PHRF1: variants seen among roughly 807,000 people sequenced by gnomAD.
PHRF1 encodes the protein PHD and ring finger domains 1.
Under a neutral mutation model 128.9 loss-of-function variants are expected in PHRF1, and 53 were observed. That is an observed-to-expected ratio of 0.41 (90% confidence interval 0.33 to 0.52). The LOEUF (loss-of-function observed/expected upper bound fraction) is 0.52, where lower values mean the gene tolerates loss of function less well. Among genes scored for constraint, PHRF1 ranks in the 20% least tolerant of loss-of-function variants. The pLI, the probability that PHRF1 is intolerant of heterozygous loss-of-function variation, is 0.21. For missense variants in PHRF1, 2,503 were observed against 2,284.5 expected (o/e 1.10, Z -1.95); for synonymous variants, 1,178 against 980.6 (o/e 1.20, Z -3.76).
intron 6 of PHRF1, among the ~76,000 whole-genome samples, chr11:593,185 C>T (rs1057274475): frequency 1.3e-5 from 2 of 152,268 alleles, no homozygotes; most frequent in Non-Finnish European, 2.9e-5. Flanking sequence ...CTTGTCTCCT[C>T]ATCCCTGCTT....
intron 1 of PHRF1, among the ~76,000 whole-genome samples, chr11:580,349 T>C (rs565457101): frequency 6.6e-6 from 1 of 152,354 alleles, no homozygotes; most frequent in East Asian, 1.9e-4. Flanking sequence ...TACGGGATCC[T>C]GTGTGGTTTC....
chr11:598,728 G>A (rs959421654), intron 9 of PHRF1, among the ~76,000 whole-genome samples: 4 of 152,336 alleles, frequency 2.6e-5, no homozygotes, highest in East Asian at 1.9e-4. Flanking sequence ...GGGTGATGCC[G>A]GCCTTCCCGC....
At chr11:584,256 G>T (rs1854390649) in intron 3 of PHRF1, among the ~76,000 whole-genome samples, 1 of 152,198 alleles carries the variant, frequency 6.6e-6, no homozygotes, top group Admixed American at 6.5e-5. Context: ...ACCAGTTCTG[G>T]CGTTGCCAGG....
At chr11:600,493 A>AATAAATAAATAAATATATAT (rs961079986) in intron 9 of PHRF1, among the ~76,000 whole-genome samples, 2 of 129,342 alleles carry the variant, frequency 1.5e-5, no homozygotes, top group African/African-American at 6.3e-5. Context: ...TGTCTCCAAA[A>AATAAATAAATAAATATATAT]ATATATATAT....
At chr11:586,502 G>A (rs1204542207) in intron 3 of PHRF1, among the ~76,000 whole-genome samples, 1 of 152,216 alleles carries the variant, frequency 6.6e-6, no homozygotes, top group African/African-American at 2.4e-5. Context: ...GGAGGGTTTG[G>A]AGGGTTTCGG....
chr11:592,687 T>C lies in PHRF1; in HGVS notation c.620+13T>C, dbSNP rs922043319. On this transcript the variant is annotated intron_variant, in intron 6 of 17. Transcript: ENST00000264555. Reference sequence around the variant, plus strand: ...GCTGCGATGCGGGGTAAGGGACGGTTGGGACTGGCACACGTGCCCTGCTGC... The same window carrying C: ...GCTGCGATGCGGGGTAAGGGACGGTCGGGACTGGCACACGTGCCCTGCTGC... 3.1e-6 allele frequency: 5 copies of C among 1,613,542 alleles called. No individual in the cohort carries two copies. Among genetic ancestry groups the C allele is most frequent in the Admixed American group, 3.3e-5 (2 of 60,012 alleles).
chr11:582,764 T>G (rs1854283274), intron 3 of PHRF1, among the ~76,000 whole-genome samples: 1 of 151,742 alleles, frequency 6.6e-6, no homozygotes, highest in African/African-American at 2.4e-5. Flanking sequence ...GACCTCGTGA[T>G]CCGCCCACCT....
Position 608,783 on chromosome 11 carries a change from G to A in PHRF1, c.3327G>A (p.Lys1109=), listed in dbSNP as rs1856136426. The A allele has an allele frequency of 6.2e-7, 1 of 1,611,924 alleles. No individual in the cohort carries two copies. The highest frequency in any genetic ancestry group is 8.5e-7 in the Non-Finnish European group (1 of 1,179,698). ...ATGAGCACTATGAGAGTAGGAAGAA[G>A]AAGAAAAGGAGATCAGCGTCCAGAC... The part of the protein sequence containing the change: ...SSYEHYESRK[K]KKRRSASRPR... The change falls in exon 14 of 18, where the codon AAG becomes AAA. Residue 1109 remains lysine (K), a synonymous_variant. Coordinates refer to ENST00000264555, the MANE Select transcript of PHRF1 (RefSeq NM_001286581.2).
Position 606,557 on chromosome 11 carries a change from A to G in PHRF1, c.1570A>G (p.Ile524Val), listed in dbSNP as rs1855954294. ...CCTGATGCTGGGCAGCAGTGATGTC[A>G]TCATCCACCGCGACGGCTCCCTCAG... ...SLLMLGSSDV[I>V]IHRDGSLSAK... The change falls in exon 13 of 18, where the codon ATC becomes GTC. Residue 524 changes from isoleucine to valine, a missense_variant. Physicochemically the swap from Ile to Val is conservative, Grantham distance 29. Transcript: ENST00000264555. 3.7e-6 allele frequency: 6 copies of G among 1,609,562 alleles called. No individual in the cohort carries two copies. The highest frequency in any genetic ancestry group is 5.1e-6 in the Non-Finnish European group (6 of 1,178,842).
At chr11:587,586 GC>G in intron 4 of PHRF1, 122 bp downstream of exon 4, 2 of 997,338 alleles carry the variant, frequency 2.0e-6, no homozygotes, top group Non-Finnish European at 3.0e-6. Context: ...TGACCCTGGG[GC>G]CACAGGATTG....
intron 3 of PHRF1, among the ~76,000 whole-genome samples, 165 bp downstream of exon 3, chr11:582,246 AT>A (rs1206064734): frequency 6.8e-6 from 1 of 146,662 alleles, no homozygotes; most frequent in African/African-American, 2.5e-5. Flanking sequence ...GGCTCACTTT[AT>A]TTGTAGTACT....
At chr11:590,080 G>GCGGGGCTCAGC (rs1854872697) in intron 4 of PHRF1, among the ~76,000 whole-genome samples, 1 of 151,296 alleles carries the variant, frequency 6.6e-6, no homozygotes, top group Non-Finnish European at 1.5e-5. Context: ...CATGGAGCGT[G>GCGGGGCTCAGC]CGGGGCTCAG....
rs147451758 is a variant in PHRF1 at position 596,118 on chromosome 11, G to T, written c.621-805G>T. On this transcript the variant is annotated intron_variant, in intron 6 of 17. Coordinates refer to ENST00000264555, the MANE Select transcript of PHRF1 (RefSeq NM_001286581.2). Reference sequence around the variant, plus strand: ...TGGTAAGTGGTAGTTAAGTTCAGTTGAATTCAGGCTCAATTTTCAGGGAAA... The same window carrying T: ...TGGTAAGTGGTAGTTAAGTTCAGTTTAATTCAGGCTCAATTTTCAGGGAAA... 3.3e-5 allele frequency among the ~76,000 whole-genome samples: 5 copies of T among 152,322 alleles called. No individual in the cohort carries two copies. The East Asian group carries it at 7.7e-4, about 24-fold the overall frequency.
chr11:609,461 A>G lies in PHRF1; in HGVS notation c.4005A>G (p.Pro1335=), dbSNP rs555653872. 1 of 1,603,296 alleles carries G rather than the reference A, an allele frequency of 6.2e-7. No homozygotes were observed. Among genetic ancestry groups the G allele is most frequent in the South Asian group, 1.1e-5 (1 of 90,738 alleles). The stretch of plus-strand genomic sequence containing the variant: ...ACGATGAAGACCCTTCGCAGCCCCC[A>G]CCCCTGCCAGAGGGCACCCAGGAGC... ...LMHDEDPSQP[P]PLPEGTQEPH... The change falls in exon 14 of 18, where the codon CCA becomes CCG. Residue 1335 remains proline, a synonymous_variant. Coordinates refer to ENST00000264555, the MANE Select transcript of PHRF1 (RefSeq NM_001286581.2).
chr11:591,239 C>T lies in PHRF1; in HGVS notation c.421-145C>T, dbSNP rs1402404498. 5 of 733,656 alleles carry T rather than the reference C, an allele frequency of 6.8e-6. No homozygotes were observed. The East Asian group carries it at 1.2e-4, about 17-fold the overall frequency. 45.4% of individuals were successfully genotyped at this position (733,656 alleles called of 1,614,324 possible). On this transcript the variant is annotated intron_variant, in intron 4 of 17. Coordinates refer to ENST00000264555, the MANE Select transcript of PHRF1 (RefSeq NM_001286581.2). ...AGGGAGGCAAGGCTCGCTGTGCTCC[C>T]TCCACTGCCGTGTTGCCAGCAGCTT...
At chr11:595,094 G>A (rs922613461) in intron 6 of PHRF1, among the ~76,000 whole-genome samples, 3 of 152,144 alleles carry the variant, frequency 2.0e-5, no homozygotes, top group African/African-American at 2.4e-5. Flanking sequence ...AGGCCGAGGC[G>A]GGTGGATCAC....
chr11:609,887 C>CT (rs1446820731), intron 14 of PHRF1, among the ~76,000 whole-genome samples, 167 bp downstream of exon 14: 1 of 151,768 alleles, frequency 6.6e-6, no homozygotes, highest in South Asian at 2.1e-4. Context: ...CCCTGTGAAT[C>CT]TGACTCCTGT....
At chr11:601,411 A>AG (rs918520843) in intron 9 of PHRF1, among the ~76,000 whole-genome samples, 163 bp from the exon 10 acceptor site, 2 of 149,218 alleles carry the variant, frequency 1.3e-5, no homozygotes, top group Admixed American at 1.3e-4. Context: ...CTTGGGTGAC[A>AG]GGGCAAGATC....
chr11:590,856 A>G (rs1239812894), intron 4 of PHRF1, among the ~76,000 whole-genome samples: 1 of 152,016 alleles, frequency 6.6e-6, no homozygotes, highest in Non-Finnish European at 1.5e-5. Flanking sequence ...GGTATGCGCC[A>G]CCACACCTAG....
Sources: gnomAD v4.1 joint callset for allele counts (sites outside exome capture counted in the v4.1 genomes callset) on GRCh38, gnomAD v4.1.1 for gene constraint, MANE v1.5 for transcripts, NCBI Gene and HGNC (gene_info 2026-07-23, HGNC 2026-07-21) for gene names.